LYZL2: variants seen among roughly 807,000 people sequenced by gnomAD.
The protein encoded by LYZL2 is lysozyme like 2.
A neutral mutation model predicts 17.1 loss-of-function variants in LYZL2; 13 were observed. The observed-to-expected ratio is 0.76, with a 90% CI of 0.49 to 1.21. LYZL2 has a LOEUF of 1.21. Among genes scored for constraint, LYZL2 ranks in the 50% most tolerant of loss-of-function variants. LYZL2 has a pLI of 0.00. For synonymous variants in LYZL2, 63 were observed against 74.4 expected, an observed-to-expected ratio of 0.85 and a Z score of 0.79; for missense variants, 166 against 189.2, an observed-to-expected ratio of 0.88 and a Z score of 0.72.
At chr10:30,623,162 A>G (rs75543671) in intron 3 of LYZL2, among the ~76,000 whole-genome samples, 1,864 of 152,314 alleles carry the variant, frequency 0.012, 43 homozygotes, top group African/African-American at 0.041. Context: ...GACGAGACTG[A>G]AAGGTGAAAT....
downstream of LYZL2, chr10:30,611,718 G>GAAAGAAAGAAAGAAAGAAAGGAAGA: frequency 4.3e-6 from 2 of 465,934 alleles, no homozygotes; most frequent in African/African-American, 4.5e-5. Flanking sequence ...AAGAAAGAAA[G>GAAAGAAAGAAAGAAAGAAAGGAAGA]AAAGAAAAGA....
chr10:30,627,382 G>C (rs1311238068), intron 1 of LYZL2, among the ~76,000 whole-genome samples: 1 of 151,774 alleles, frequency 6.6e-6, no homozygotes, highest in African/African-American at 2.4e-5. Context: ...CCCCGAGACA[G>C]CAAGACCAAC....
At chr10:30,607,399 G>A (rs192049348), downstream of LYZL2, among the ~76,000 whole-genome samples, 30 of 152,050 alleles carry the variant, frequency 2.0e-4, 1 homozygote, top group African/African-American at 6.5e-4. Flanking sequence ...CTGCAGCTTC[G>A]TGTAAGGAAA....
intron 4 of LYZL2, 50 bp downstream of exon 4, chr10:30,612,772 C>G (rs547535364): frequency 1.5e-6 from 2 of 1,376,294 alleles, no homozygotes; most frequent in South Asian, 2.3e-5. Context: ...TAAATACACA[C>G]ACTAGGTTTT....
chr10:30,628,431 A>G (rs369647948), intron 1 of LYZL2, among the ~76,000 whole-genome samples: 223 of 152,284 alleles, frequency 1.5e-3, no homozygotes, highest in East Asian at 0.013. Flanking sequence ...GAGCAGAGGG[A>G]CAATAAAGAG....
At chr10:30,617,706 AAAAG>A (rs1564407989) in intron 3 of LYZL2, among the ~76,000 whole-genome samples, 150 of 149,296 alleles carry the variant, frequency 1.0e-3, no homozygotes, top group Admixed American at 1.7e-3. Context: ...AAAGAAAAGA[AAAAG>A]AAAAAAAAGA....
At chr10:30,615,617 A>T (rs539849506) in intron 3 of LYZL2, among the ~76,000 whole-genome samples, 12 of 152,254 alleles carry the variant, frequency 7.9e-5, no homozygotes, top group African/African-American at 2.9e-4. Flanking sequence ...TGTAGTGATC[A>T]TTTCCCAATG....
At chr10:30,618,954 T>C (rs1838577072) in intron 3 of LYZL2, among the ~76,000 whole-genome samples, 1 of 152,134 alleles carries the variant, frequency 6.6e-6, no homozygotes, top group Non-Finnish European at 1.5e-5. Flanking sequence ...ATCCAGAATC[T>C]ACAAAGAACT....
At chr10:30,608,086 G>T (rs1274863503), downstream of LYZL2, among the ~76,000 whole-genome samples, 1 of 152,114 alleles carries the variant, frequency 6.6e-6, no homozygotes, top group South Asian at 2.1e-4. Flanking sequence ...GGGACCACAG[G>T]CGTGTACCAC....
intron 2 of LYZL2, among the ~76,000 whole-genome samples, 156 bp downstream of exon 2, chr10:30,626,621 C>A (rs1475288258): frequency 6.6e-6 from 1 of 151,980 alleles, no homozygotes; most frequent in Non-Finnish European, 1.5e-5. Flanking sequence ...GGAGAGGAGA[C>A]CCAGAGAGCC....
intron 1 of LYZL2, among the ~76,000 whole-genome samples, chr10:30,627,496 A>C (rs1054327335): frequency 1.3e-5 from 2 of 151,986 alleles, no homozygotes; most frequent in African/African-American, 4.8e-5. Context: ...AATATAATAT[A>C]ATAGTAAATA....
chr10:30,625,629 A>G (rs1838689548), intron 3 of LYZL2, among the ~76,000 whole-genome samples: 1 of 152,188 alleles, frequency 6.6e-6, no homozygotes, highest in Non-Finnish European at 1.5e-5. Flanking sequence ...GACTGCAATG[A>G]GCTATGAACG....
chr10:30,619,619 T>C (rs1290057650), intron 3 of LYZL2, among the ~76,000 whole-genome samples: 3 of 149,686 alleles, frequency 2.0e-5, no homozygotes, highest in Non-Finnish European at 3.0e-5. Context: ...TAGGTGGGAA[T>C]TGAACAATGA....
chr10:30,614,153 A>G (rs1354528764), intron 3 of LYZL2, among the ~76,000 whole-genome samples: 1 of 152,240 alleles, frequency 6.6e-6, no homozygotes, highest in Non-Finnish European at 1.5e-5. Context: ...AATAAACAAA[A>G]CAAGTTCAAC....
At chr10:30,612,066 A>T in intron 4 of LYZL2, 42 bp from the exon 5 acceptor site, 1 of 1,605,166 alleles carries the variant, frequency 6.2e-7, no homozygotes, top group Non-Finnish European at 8.5e-7. Context: ...AAGAAGCGTG[A>T]CAATCCAAAC....
intron 3 of LYZL2, among the ~76,000 whole-genome samples, chr10:30,613,831 T>A (rs1838486593): frequency 6.6e-6 from 1 of 152,132 alleles, no homozygotes; most frequent in African/African-American, 2.4e-5. Context: ...TACTTCCACC[T>A]CAGCCTTCAA....
intron 3 of LYZL2, among the ~76,000 whole-genome samples, chr10:30,617,674 CAA>C (rs1165550893): frequency 0.022 from 1,116 of 50,118 alleles, 3 homozygotes; most frequent in African/African-American, 0.067. Flanking sequence ...GACTCTGTCT[CAA>C]AAAAAAAAAA....
chr10:30,611,721 A>G (rs1838446709), downstream of LYZL2: 2 of 124,132 alleles, frequency 1.6e-5, no homozygotes, highest in South Asian at 1.8e-4. Flanking sequence ...AAAGAAAGAA[A>G]GAAAAGAAAA....
chr10:30,610,984 G>A (rs115344904), downstream of LYZL2, among the ~76,000 whole-genome samples: 866 of 152,190 alleles, frequency 5.7e-3, 7 homozygotes, highest in African/African-American at 0.02. Context: ...TCCTTCTGGG[G>A]TACTCTTAAG....
Sources: gnomAD v4.1 joint callset for allele counts (sites outside exome capture counted in the v4.1 genomes callset) on GRCh38, gnomAD v4.1.1 for gene constraint, MANE v1.5 for transcripts, NCBI Gene and HGNC (gene_info 2026-07-23, HGNC 2026-07-21) for gene names.